TMTC1: variants seen among roughly 807,000 people sequenced by gnomAD.
TMTC1 encodes transmembrane O-mannosyltransferase targeting cadherins 1.
In TMTC1, 73 loss-of-function variants were observed where a neutral mutation model predicts 104.8. That is an observed-to-expected ratio of 0.70 (90% CI 0.58 to 0.85). The LOEUF is 0.85. Among genes scored for constraint, TMTC1 ranks in the 40% least tolerant of loss-of-function variants. The pLI is 0.00. For missense variants in TMTC1, 1,035 were observed against 1,096.1 expected, an observed-to-expected ratio of 0.94 and a Z score of 0.79; for synonymous variants, 434 against 428.7, an observed-to-expected ratio of 1.01 and a Z score of -0.15.
intron 5 of TMTC1, among the ~76,000 whole-genome samples, chr12:29,740,454 T>C (rs1229003303): frequency 2.6e-5 from 4 of 152,198 alleles, no homozygotes; most frequent in African/African-American, 9.7e-5. Flanking sequence ...TCTCCCATGC[T>C]GGATGCTTCC....
chr12:29,643,618 T>TTATATATA (rs1393712432), intron 5 of TMTC1, among the ~76,000 whole-genome samples: 15 of 29,704 alleles, frequency 5.0e-4, no homozygotes, highest in Non-Finnish European at 7.8e-4. Context: ...ATATAATATA[T>TTATATATA]ATCTATATAT....
At chr12:29,630,366 C>A (rs990850176) in intron 6 of TMTC1, among the ~76,000 whole-genome samples, 1 of 152,092 alleles carries the variant, frequency 6.6e-6, no homozygotes, top group African/African-American at 2.4e-5. Flanking sequence ...GGGAGAAAAA[C>A]CCCTAATAAA....
At position 29,754,240 on chromosome 12, in the gene TMTC1, C is replaced by T. The variant is rs1943163034; in HGVS notation, c.731+1469G>A. On this transcript the variant is annotated intron_variant, in intron 4 of 17. Coordinates refer to ENST00000539277, the MANE Select transcript of TMTC1 (RefSeq NM_001193451.2). ...GACTTGTATCAGCAGTATTAATCCT[C>T]CCAAAGAATTTCTAGCCATTTAGTA... Among the ~76,000 whole-genome samples, 6 of 151,024 alleles carry T rather than the reference C, an allele frequency of 4.0e-5. No individual in the cohort carries two copies. The South Asian group carries it at 1.3e-3, about 32-fold the overall frequency.
chr12:29,507,778 T>C (rs988764168), intron 17 of TMTC1, among the ~76,000 whole-genome samples: 1 of 152,216 alleles, frequency 6.6e-6, no homozygotes, highest in Non-Finnish European at 1.5e-5. Flanking sequence ...CTGGATGTAT[T>C]ACCTCCCTTA....
At chr12:29,537,293 G>A (rs35725284) in intron 10 of TMTC1, among the ~76,000 whole-genome samples, 1 of 152,094 alleles carries the variant, frequency 6.6e-6, no homozygotes, top group Non-Finnish European at 1.5e-5. Flanking sequence ...CACTGATTTA[G>A]CAATGACTAT....
At chr12:29,622,070 T>C (rs1937703003) in intron 6 of TMTC1, among the ~76,000 whole-genome samples, 1 of 152,136 alleles carries the variant, frequency 6.6e-6, no homozygotes, top group African/African-American at 2.4e-5. Context: ...CTCAAACCCA[T>C]ACCTATGAGG....
intron 9 of TMTC1, among the ~76,000 whole-genome samples, chr12:29,566,271 T>C (rs955161104): frequency 1.3e-5 from 2 of 152,140 alleles, no homozygotes; most frequent in Non-Finnish European, 2.9e-5. Flanking sequence ...GTGGCTGGCA[T>C]GCACGTGCCT....
chr12:29,579,972 T>C (rs1470442081), intron 8 of TMTC1, among the ~76,000 whole-genome samples: 3 of 152,284 alleles, frequency 2.0e-5, no homozygotes, highest in African/African-American at 7.2e-5. Context: ...GCTTAGACAA[T>C]TTACCCTGTC....
At chr12:29,545,660 C>CACAT (rs1944922964) in intron 10 of TMTC1, among the ~76,000 whole-genome samples, 1 of 143,180 alleles carries the variant, frequency 7.0e-6, no homozygotes, top group Non-Finnish European at 1.5e-5. Context: ...CACACACACA[C>CACAT]ACACACACAC....
At chr12:29,775,371 T>G (rs1313554512) in intron 1 of TMTC1, among the ~76,000 whole-genome samples, 4 of 152,126 alleles carry the variant, frequency 2.6e-5, no homozygotes, top group Non-Finnish European at 5.9e-5. Context: ...CACAAGTTCC[T>G]CAGGCCACCA....
chr12:29,608,482 G>A (rs1946760753), intron 6 of TMTC1, among the ~76,000 whole-genome samples: 1 of 152,126 alleles, frequency 6.6e-6, no homozygotes, highest in African/African-American at 2.4e-5. Flanking sequence ...TAATAACACA[G>A]CCATTATAAT....
intron 5 of TMTC1, among the ~76,000 whole-genome samples, chr12:29,644,342 C>T (rs1939170572): frequency 6.6e-6 from 1 of 151,238 alleles, no homozygotes; most frequent in East Asian, 1.9e-4. Context: ...AATGACACAA[C>T]AGACTTTGGG....
intron 6 of TMTC1, among the ~76,000 whole-genome samples, chr12:29,615,482 T>C (rs1226913662): frequency 6.6e-5 from 10 of 152,282 alleles, no homozygotes; most frequent in Admixed American, 5.2e-4. Flanking sequence ...AAAAAATACC[T>C]GTAGAGAGAT....
intron 7 of TMTC1, among the ~76,000 whole-genome samples, chr12:29,593,237 C>A (rs773036170): frequency 4.0e-4 from 61 of 152,300 alleles, no homozygotes; most frequent in Non-Finnish European, 6.8e-4. Context: ...GCCAAACCCA[C>A]ATCAAAGAAT....
At chr12:29,606,980 C>A (rs554055384) in intron 6 of TMTC1, among the ~76,000 whole-genome samples, 5 of 152,138 alleles carry the variant, frequency 3.3e-5, no homozygotes, top group South Asian at 2.1e-4. Flanking sequence ...CCTGCCCCCC[C>A]CCCTCACTCA....
At chr12:29,757,225 C>A (rs1943235380) in intron 3 of TMTC1, among the ~76,000 whole-genome samples, 1 of 152,200 alleles carries the variant, frequency 6.6e-6, no homozygotes, top group Non-Finnish European at 1.5e-5. Context: ...TAATTCATTT[C>A]ATTATTGACA....
Position 29,642,881 on chromosome 12 carries a change from C to T in TMTC1, c.939-9545G>A, listed in dbSNP as rs1318290008. ...CGGAGCTTACAGTGAGCCGAGATCG[C>T]GCCACTGCACTCCAGCCTGGGTGAC... On this transcript the variant is annotated intron_variant, in intron 5 of 17. Coordinates refer to ENST00000539277, the MANE Select transcript of TMTC1 (RefSeq NM_001193451.2). Among the ~76,000 whole-genome samples the T allele has an allele frequency of 4.6e-5, 7 of 151,444 alleles. 1 individual carries two copies. The highest frequency in any genetic ancestry group is 4.2e-4 in the South Asian group (2 of 4,808).
At chr12:29,552,636 T>C (rs181960750) in intron 10 of TMTC1, among the ~76,000 whole-genome samples, 2 of 152,180 alleles carry the variant, frequency 1.3e-5, no homozygotes, top group Non-Finnish European at 2.9e-5. Context: ...ATGTTACTTA[T>C]TTTCTCCAAA....
intron 1 of TMTC1, among the ~76,000 whole-genome samples, chr12:29,768,998 C>T (rs1943536429): frequency 6.6e-6 from 1 of 152,138 alleles, no homozygotes; most frequent in African/African-American, 2.4e-5. Flanking sequence ...GTGGTGCTGC[C>T]TACAGTTGTC....
Sources: gnomAD v4.1 joint callset for allele counts (sites outside exome capture counted in the v4.1 genomes callset) on GRCh38, gnomAD v4.1.1 for gene constraint, MANE v1.5 for transcripts, NCBI Gene and HGNC (gene_info 2026-07-23, HGNC 2026-07-21) for gene names.